The following PRDM2 variants were observed in gnomAD, a reference collection of about 807,000 sequenced individuals.
PRDM2 encodes the protein PR/SET domain 2.
Under a neutral mutation model 130.0 loss-of-function variants are expected in PRDM2, and 30 were observed. The ratio of observed to expected loss-of-function variants is 0.23; its 90% CI spans 0.17 to 0.31. The LOEUF (loss-of-function observed/expected upper bound fraction) is 0.31. Among genes scored for constraint, PRDM2 ranks in the 10% least tolerant of loss-of-function variants. The pLI is 1.00. For synonymous variants in PRDM2, 871 were observed against 782.4 expected, an observed-to-expected ratio of 1.11 and a Z score of -1.89; for missense variants, 2,011 against 2,108.4, an observed-to-expected ratio of 0.95 and a Z score of 0.90.
intron 1 of PRDM2, 123 bp from the exon 2 acceptor site, chr1:13,715,418 G>T: frequency 2.5e-6 from 1 of 405,490 alleles, no homozygotes. Flanking sequence ...GATTGAAGTT[G>T]ATTTGGCATA....
chr1:13,750,258 C>T (rs1243769110), intron 6 of PRDM2, among the ~76,000 whole-genome samples: 12 of 141,532 alleles, frequency 8.5e-5, no homozygotes, highest in African/African-American at 3.1e-4. Flanking sequence ...CACGTTGGGG[C>T]TTTTTTTTTT....
chr1:13,785,853 T>TA (rs1051623642), intron 8 of PRDM2, among the ~76,000 whole-genome samples: 59 of 148,802 alleles, frequency 4.0e-4, no homozygotes, highest in African/African-American at 1.5e-3. Context: ...TTTTTTTTTT[T>TA]AATGAGACAG....
In PRDM2 at chr1:13,782,775, C is replaced by G; in HGVS notation, c.4980C>G (p.Asp1660Glu). 2 of 1,611,586 alleles carry G rather than the reference C, an allele frequency of 1.2e-6. No individual in the cohort carries two copies. Among genetic ancestry groups the G allele is most frequent in the Non-Finnish European group, 1.7e-6 (2 of 1,179,290 alleles). ...TRSLQLAAAA[D>E]LSENKREDGS... Reference sequence around the variant, plus strand: ...GCCTTCAGCTGGCAGCTGCTGCTGACTTGAGTGAGAACAAGAGAGAGGACG... The same window carrying G: ...GCCTTCAGCTGGCAGCTGCTGCTGAGTTGAGTGAGAACAAGAGAGAGGACG... The change falls in exon 8 of 10, where the codon GAC becomes GAG. Residue 1660 changes from aspartate (D) to glutamate (E), a missense_variant. Physicochemically the swap from Asp to Glu is conservative, Grantham distance 45. Around this residue, in one of 5 missense-constraint regions of PRDM2, gnomAD observed 410 missense variants for 395.9 expected, o/e 1.04. Coordinates refer to ENST00000311066, the MANE Select transcript of PRDM2 (RefSeq NM_001393986.1).
At chr1:13,735,683 C>T (rs566011319) in intron 4 of PRDM2, among the ~76,000 whole-genome samples, 14 of 152,214 alleles carry the variant, frequency 9.2e-5, no homozygotes, top group South Asian at 2.1e-4. Context: ...TACAGCAGAG[C>T]GGGGCATTGG....
At chr1:13,722,935 C>T in intron 2 of PRDM2, 1 of 467,594 alleles carries the variant, frequency 2.1e-6, no homozygotes, top group Admixed American at 2.3e-5. Flanking sequence ...GAAAGCCTCA[C>T]CCCATCTCGT....
rs768135793 is a variant in PRDM2, at chr1:13,780,351, G to T, written c.2556G>T (p.Val852=). 9.9e-6 allele frequency: 16 copies of T among 1,614,170 alleles called. No individual in the cohort carries two copies. In the South Asian group the frequency reaches 1.8e-4, roughly 18 times the overall value. The change falls in exon 8 of 10, where the codon GTG becomes GTT. Residue 852 remains valine (V), a synonymous_variant. Coordinates refer to ENST00000311066, the MANE Select transcript of PRDM2 (RefSeq NM_001393986.1). ...VQWESVLDLS[V]HKKHCSDSEG... ...GGGAATCTGTCTTAGATCTCAGTGT[G>T]CATAAAAAGCATTGTAGTGACTCTG...
At chr1:13,811,378 G>A (rs1645170423) in intron 8 of PRDM2, among the ~76,000 whole-genome samples, 1 of 152,152 alleles carries the variant, frequency 6.6e-6, no homozygotes, top group Non-Finnish European at 1.5e-5. Context: ...CTGTGACACT[G>A]TGCTCGCCCC....
chr1:13,802,631 AAGATGGAAC>A (rs1453120324), intron 8 of PRDM2, among the ~76,000 whole-genome samples: 7 of 152,220 alleles, frequency 4.6e-5, no homozygotes, highest in African/African-American at 1.7e-4. Context: ...TCATCTTTAA[AAGATGGAAC>A]AGTGGCAATA....
chr1:13,808,463 CAAAA>C (rs58838331), intron 8 of PRDM2, among the ~76,000 whole-genome samples: 1 of 58,928 alleles, frequency 1.7e-5, no homozygotes, highest in South Asian at 6.0e-4. Flanking sequence ...GACTCTGTCT[CAAAA>C]AAAAAAAAAA....
intron 5 of PRDM2, among the ~76,000 whole-genome samples, chr1:13,746,388 T>A (rs1490790488): frequency 2.6e-5 from 4 of 151,388 alleles, no homozygotes; most frequent in African/African-American, 9.7e-5. Context: ...AGCCTTGGTT[T>A]AAAAAAAATA....
intron 7 of PRDM2, among the ~76,000 whole-genome samples, chr1:13,774,072 GT>G (rs1300458837): frequency 6.6e-6 from 1 of 152,144 alleles, no homozygotes; most frequent in Non-Finnish European, 1.5e-5. Flanking sequence ...GTCTCTTCGT[GT>G]TTGTCCCCTT....
chr1:13,782,440 T>A lies in PRDM2; in HGVS notation c.4645T>A (p.Ser1549Thr). ...CCCCACCCAAGTCCCACTTCCCTCC[T>A]CATCCTTCAGGTCCAAGCAGAACGT... ...SGPTQVPLPSSSFRSKQNVKF... is the reference protein window; with the variant it reads ...SGPTQVPLPSTSFRSKQNVKF... The change falls in exon 8 of 10, where the codon TCA becomes ACA. Residue 1549 changes from serine (S) to threonine (T), a missense_variant. Coordinates refer to ENST00000311066, the MANE Select transcript of PRDM2 (RefSeq NM_001393986.1). 6.2e-7 allele frequency: 1 copy of A among 1,613,860 alleles called. No individual in the cohort carries two copies. Among genetic ancestry groups the A allele is most frequent in the Non-Finnish European group, 8.5e-7 (1 of 1,180,004 alleles).
intron 9 of PRDM2, among the ~76,000 whole-genome samples, chr1:13,817,280 C>T (rs576234285): frequency 3.3e-5 from 5 of 152,264 alleles, no homozygotes; most frequent in Middle Eastern, 3.4e-3. Context: ...CAAAAAATTT[C>T]GGGTCTCAAG....
chr1:13,704,366 G>A (rs1642147995), intron 1 of PRDM2, among the ~76,000 whole-genome samples: 1 of 144,446 alleles, frequency 6.9e-6, no homozygotes, highest in South Asian at 2.2e-4. Context: ...ATTTTTCTTA[G>A]TACTGTATAG....
At chr1:13,721,327 C>T (rs1176033826) in intron 2 of PRDM2, among the ~76,000 whole-genome samples, 8 of 151,982 alleles carry the variant, frequency 5.3e-5, no homozygotes, top group African/African-American at 1.4e-4. Context: ...ATCTCTCCCC[C>T]TTTTTTCTAA....
At chr1:13,708,827 C>T (rs150223471) in intron 1 of PRDM2, among the ~76,000 whole-genome samples, 3 of 152,248 alleles carry the variant, frequency 2.0e-5, no homozygotes, top group East Asian at 1.9e-4. Context: ...AATTTATTGC[C>T]TCTGGTTCAG....
intron 1 of PRDM2, among the ~76,000 whole-genome samples, chr1:13,703,001 T>A (rs1642113147): frequency 6.6e-6 from 1 of 152,214 alleles, no homozygotes; most frequent in African/African-American, 2.4e-5. Context: ...GTCTAGGGCT[T>A]CACGCTTTGT....
intron 6 of PRDM2, among the ~76,000 whole-genome samples, chr1:13,758,811 G>C (rs1644026155): frequency 6.6e-6 from 1 of 152,078 alleles, no homozygotes; most frequent in African/African-American, 2.4e-5. Flanking sequence ...AGTTATTTTA[G>C]ATGCTTATAT....
rs17350767 is a variant in PRDM2, at chr1:13,759,680, A to G, written c.511+10193A>G. ...GGTCCCAAGTCTTCTAATCTTCTGTAGCAGGTTTACGCTGTGGGCAGCACC... is the reference window on the plus strand; with the variant it reads ...GGTCCCAAGTCTTCTAATCTTCTGTGGCAGGTTTACGCTGTGGGCAGCACC... On this transcript the variant is annotated intron_variant, in intron 6 of 9. Coordinates refer to ENST00000311066, the MANE Select transcript of PRDM2 (RefSeq NM_001393986.1). Among the ~76,000 whole-genome samples the G allele has an allele frequency of 1.4e-3, 212 of 152,326 alleles. 1 individual carries two copies. Among genetic ancestry groups the G allele is most frequent in the Non-Finnish European group, 2.3e-3 (155 of 68,024 alleles).
Sources: gnomAD v4.1 joint callset for allele counts (sites outside exome capture counted in the v4.1 genomes callset) on GRCh38, gnomAD v4.1.1 for gene constraint, gnomAD v4.1.1 regional missense constraint, MANE v1.5 for transcripts, NCBI Gene and HGNC (gene_info 2026-07-23, HGNC 2026-07-21) for gene names.